Variants in ZBTB7C observed in about 807,000 individuals in gnomAD.
ZBTB7C encodes the protein zinc finger and BTB domain-containing protein 7C.
ZBTB7C carries 8 observed loss-of-function variants against 25.7 expected under a neutral mutation model. That is an observed-to-expected ratio of 0.31 (90% CI 0.18 to 0.56). The LOEUF (loss-of-function observed/expected upper bound fraction) is 0.56. ZBTB7C is among the 20% of genes least tolerant of loss of function. The pLI is 0.91. For missense variants in ZBTB7C, 824 were observed against 855.2 expected, an observed-to-expected ratio of 0.96 and a Z score of 0.46; for synonymous variants, 394 against 369.0, an observed-to-expected ratio of 1.07 and a Z score of -0.78.
rs35398428 is a variant in ZBTB7C at position 48,304,841 on chromosome 18, C to CAAAAAAAAA, written c.-79+33324_-79+33332dup. 2.9e-3 allele frequency among the ~76,000 whole-genome samples: 264 copies of CAAAAAAAAA among 90,324 alleles called. 4 individuals carry two copies. Among genetic ancestry groups the CAAAAAAAAA allele is most frequent in the African/African-American group, 0.01 (241 of 23,578 alleles). 59.3% of individuals were successfully genotyped at this position (90,324 alleles called of 152,430 possible). ...GCACAATGGGAGCCAGGCTCTACCT[C>CAAAAAAAAA]AAAAAAAAAAAAAAAAAAAAAAGAT... On this transcript the variant is annotated intron_variant, in intron 2 of 4. Transcript: ENST00000590800.
chr18:48,044,534 C>A (rs1470059580), intron 3 of ZBTB7C, among the ~76,000 whole-genome samples: 1 of 152,238 alleles, frequency 6.6e-6, no homozygotes, highest in African/African-American at 2.4e-5. Context: ...TGGGGGCCAG[C>A]AAGCAGCCCC....
chr18:48,301,249 T>TG (rs1446460974), intron 2 of ZBTB7C, among the ~76,000 whole-genome samples: 1 of 151,902 alleles, frequency 6.6e-6, no homozygotes, highest in African/African-American at 2.4e-5. Context: ...GAGGCTGAGG[T>TG]GGGGGGATCA....
At chr18:48,314,822 G>A (rs933958660) in intron 2 of ZBTB7C, among the ~76,000 whole-genome samples, 1 of 152,072 alleles carries the variant, frequency 6.6e-6, no homozygotes, top group Non-Finnish European at 1.5e-5. Flanking sequence ...CGAGGTGCCC[G>A]CCCCGACCCT....
intron 1 of ZBTB7C, chr18:48,408,574 C>T (rs980809971): frequency 6.6e-6 from 1 of 152,252 alleles, no homozygotes; most frequent in East Asian, 1.9e-4. Context: ...CTGTACTCTG[C>T]TCAGATCTCA....
At chr18:48,387,430 G>A (rs964589347) in intron 1 of ZBTB7C, among the ~76,000 whole-genome samples, 4 of 152,352 alleles carry the variant, frequency 2.6e-5, no homozygotes, top group Admixed American at 2.6e-4. Context: ...ACAGGCAGTT[G>A]TAATGGAGAC....
At chr18:48,220,357 C>T (rs886348061) in intron 2 of ZBTB7C, among the ~76,000 whole-genome samples, 5 of 152,188 alleles carry the variant, frequency 3.3e-5, no homozygotes, top group Non-Finnish European at 7.4e-5. Context: ...AGCCTTGGAG[C>T]TCCTCAGAGA....
At chr18:48,185,304 G>A (rs888193111) in intron 3 of ZBTB7C, 2 of 447,576 alleles carry the variant, frequency 4.5e-6, no homozygotes, top group Non-Finnish European at 8.9e-6. Flanking sequence ...GGCCATGCCA[G>A]CCAGAGCTGG....
chr18:48,255,346 G>A (rs539153561), intron 2 of ZBTB7C, among the ~76,000 whole-genome samples: 33 of 152,266 alleles, frequency 2.2e-4, no homozygotes, highest in African/African-American at 7.9e-4. Context: ...GATATAAAAA[G>A]ACTAAAACTT....
At chr18:48,143,345 T>G (rs971173638) in intron 3 of ZBTB7C, among the ~76,000 whole-genome samples, 1 of 152,192 alleles carries the variant, frequency 6.6e-6, no homozygotes, top group Non-Finnish European at 1.5e-5. Context: ...GGGAAAGATT[T>G]AATTCTGTGC....
rs1265178990 is a variant in ZBTB7C, at chr18:48,156,759, G to A, written c.-17+29175C>T. ...CTTGCTTCAACTGGGAAAAATAAAG[G>A]TACTCAGAAAGGAACAGCAGGGAAT... On this transcript the variant is annotated intron_variant, in intron 3 of 4. Transcript: ENST00000590800. 6.6e-5 allele frequency among the ~76,000 whole-genome samples: 10 copies of A among 152,098 alleles called. No individual in the cohort carries two copies. In the East Asian group the frequency reaches 1.9e-3, roughly 29 times the overall value.
At chr18:48,332,065 C>G (rs182997289) in intron 2 of ZBTB7C, among the ~76,000 whole-genome samples, 3 of 152,250 alleles carry the variant, frequency 2.0e-5, no homozygotes, top group Admixed American at 1.3e-4. Flanking sequence ...TAATATTTAA[C>G]CCAATTCTCT....
chr18:48,340,497 T>A (rs1467378339), intron 1 of ZBTB7C, among the ~76,000 whole-genome samples: 1 of 152,214 alleles, frequency 6.6e-6, no homozygotes, highest in Middle Eastern at 3.2e-3. Context: ...CTTGGGACTT[T>A]CAGTGAGCCC....
intron 3 of ZBTB7C, among the ~76,000 whole-genome samples, chr18:48,112,083 A>G (rs1371374970): frequency 6.6e-6 from 1 of 152,174 alleles, no homozygotes; most frequent in Admixed American, 6.5e-5. Context: ...TGGCCATTAC[A>G]AAAATATAGA....
chr18:48,045,262 C>T (rs1298571189), intron 3 of ZBTB7C, among the ~76,000 whole-genome samples: 2 of 152,234 alleles, frequency 1.3e-5, no homozygotes, highest in African/African-American at 4.8e-5. Flanking sequence ...CCCCAGGCTA[C>T]TGTCTTTCTC....
chr18:48,226,710 A>T (rs1038425346), intron 2 of ZBTB7C, among the ~76,000 whole-genome samples: 3 of 152,154 alleles, frequency 2.0e-5, no homozygotes, highest in African/African-American at 7.2e-5. Context: ...ATTGAGTTTG[A>T]GCATCATACT....
intron 3 of ZBTB7C, among the ~76,000 whole-genome samples, chr18:48,185,161 C>T (rs1041124701): frequency 6.6e-6 from 1 of 152,228 alleles, no homozygotes; most frequent in South Asian, 2.1e-4. Flanking sequence ...ATGCCTACAC[C>T]ATCCTCCACA....
At chr18:48,176,110 C>T (rs775461621) in intron 3 of ZBTB7C, among the ~76,000 whole-genome samples, 1 of 152,190 alleles carries the variant, frequency 6.6e-6, no homozygotes, top group Non-Finnish European at 1.5e-5. Flanking sequence ...AAATCAGACA[C>T]TGCCTGGACT....
intron 1 of ZBTB7C, among the ~76,000 whole-genome samples, chr18:48,405,264 G>A (rs1039659806): frequency 3.3e-5 from 5 of 152,068 alleles, no homozygotes; most frequent in African/African-American, 1.2e-4. Context: ...GGGCCATCGG[G>A]GACCTATTTG....
intron 3 of ZBTB7C, among the ~76,000 whole-genome samples, chr18:48,103,059 T>C (rs2038892381): frequency 6.9e-6 from 1 of 145,728 alleles, no homozygotes; most frequent in African/African-American, 2.5e-5. Context: ...ATATATATCT[T>C]GTATATATAT....
Sources: gnomAD v4.1 joint callset for allele counts (sites outside exome capture counted in the v4.1 genomes callset) on GRCh38, gnomAD v4.1.1 for gene constraint, MANE v1.5 for transcripts, NCBI Gene and HGNC (gene_info 2026-07-23, HGNC 2026-07-21) for gene names.